The following KMT2C variants were observed in gnomAD, a reference collection of about 807,000 sequenced individuals.
The protein encoded by KMT2C is lysine methyltransferase 2C.
KMT2C carries 88 observed loss-of-function variants against 507.9 expected under a neutral mutation model. That is an observed-to-expected ratio of 0.17 (90% CI 0.15 to 0.21). The LOEUF (loss-of-function observed/expected upper bound fraction) is 0.21, where lower values mean the gene tolerates loss of function less well. KMT2C is among the 10% of genes least tolerant of loss of function. KMT2C has a pLI of 1.00. For missense variants in KMT2C, 4,954 were observed against 5,957.8 expected (o/e 0.83, Z 5.55); for synonymous variants, 2,049 against 2,080.8 (o/e 0.98, Z 0.42).
chr7:152,351,450 C>G (rs2097110189), intron 2 of KMT2C, among the ~76,000 whole-genome samples: 1 of 152,124 alleles, frequency 6.6e-6, no homozygotes, highest in Non-Finnish European at 1.5e-5. Context: ...TTTCTCCGCT[C>G]CATTATAATT....
rs561955050 is a variant in KMT2C, at chr7:152,338,767, G to A, written c.251-8028C>T. 2.0e-5 allele frequency among the ~76,000 whole-genome samples: 3 copies of A among 152,258 alleles called. No individual in the cohort carries two copies. In the East Asian group the frequency reaches 5.8e-4, roughly 29 times the overall value. On this transcript the variant is annotated intron_variant, in intron 2 of 58. Transcript: ENST00000262189. ...CTCTTTTCACTACTTCCACCGCCTGGCAGAGCATCAAAGTGTAGCATGTAA... is the reference window on the plus strand; with the variant it reads ...CTCTTTTCACTACTTCCACCGCCTGACAGAGCATCAAAGTGTAGCATGTAA...
chr7:152,277,814 C>T (rs1260870178), intron 6 of KMT2C, among the ~76,000 whole-genome samples: 1 of 151,956 alleles, frequency 6.6e-6, no homozygotes, highest in East Asian at 1.9e-4. Flanking sequence ...TTATTTAAAA[C>T]CAAAATTTTA....
chr7:152,402,318 G>T (rs1449901337), intron 1 of KMT2C, among the ~76,000 whole-genome samples: 170 of 72,814 alleles, frequency 2.3e-3, no homozygotes, highest in African/African-American at 2.4e-3. Flanking sequence ...CATAACATAT[G>T]TATATTATAT....
rs2089883454 is a variant in KMT2C at position 152,136,462 on chromosome 7, G to A, written c.*370C>T. 3.9e-6 allele frequency: 1 copy of A among 256,494 alleles called. No homozygotes were observed. Among genetic ancestry groups the A allele is most frequent in the Non-Finnish European group, 7.5e-6 (1 of 133,142 alleles). 15.9% of individuals were successfully genotyped at this position (256,494 alleles called of 1,614,324 possible). A position where few individuals can be genotyped will look rare whatever the true frequency, so the allele number is the denominator to read the frequency against. On this transcript the variant is annotated 3_prime_UTR_variant, in exon 59 of 59. Transcript: ENST00000262189. Reference sequence around the variant, plus strand: ...CCCTGCCCGGGGCAGGGCAGCCATCGGCTCTTTGCCCCAGTAAAAGTTTCT... The same window carrying A: ...CCCTGCCCGGGGCAGGGCAGCCATCAGCTCTTTGCCCCAGTAAAAGTTTCT...
chr7:152,206,352 T>G (rs574537877), intron 24 of KMT2C, among the ~76,000 whole-genome samples: 3 of 152,172 alleles, frequency 2.0e-5, no homozygotes, highest in African/African-American at 7.2e-5. Flanking sequence ...AAAGTACACT[T>G]ATAAGCCTCA....
chr7:152,353,105 T>C (rs1341715041), intron 2 of KMT2C, among the ~76,000 whole-genome samples: 1 of 152,200 alleles, frequency 6.6e-6, no homozygotes. Context: ...GCGCAGAGAC[T>C]GGTAACAGCC....
At chr7:152,259,109 T>C (rs1489325218) in intron 9 of KMT2C, among the ~76,000 whole-genome samples, 1 of 151,886 alleles carries the variant, frequency 6.6e-6, no homozygotes, top group Non-Finnish European at 1.5e-5. Context: ...GGAAATTTGT[T>C]TGAAAAAAAG....
At chr7:152,290,540 C>T (rs1422802723) in intron 6 of KMT2C, among the ~76,000 whole-genome samples, 1 of 151,274 alleles carries the variant, frequency 6.6e-6, no homozygotes, top group East Asian at 2.0e-4. Flanking sequence ...GAGCTCCTGA[C>T]CTCGTGATCC....
chr7:152,308,759 A>T (rs2096643270), intron 6 of KMT2C, among the ~76,000 whole-genome samples: 1 of 151,298 alleles, frequency 6.6e-6, no homozygotes, highest in Non-Finnish European at 1.5e-5. Context: ...GGCCAAGAAG[A>T]GAAGAGAGGA....
At chr7:152,334,683 C>T (rs2096917770) in intron 2 of KMT2C, among the ~76,000 whole-genome samples, 1 of 152,028 alleles carries the variant, frequency 6.6e-6, no homozygotes, top group African/African-American at 2.4e-5. Context: ...AGTCCCCTTT[C>T]CTACAGACTG....
chr7:152,417,319 T>A (rs1054005170), intron 1 of KMT2C, among the ~76,000 whole-genome samples: 1 of 152,106 alleles, frequency 6.6e-6, no homozygotes, highest in Non-Finnish European at 1.5e-5. Flanking sequence ...GGTTTCACCA[T>A]GTTGGTCAGG....
chr7:152,370,087 A>G (rs894487406), intron 1 of KMT2C, among the ~76,000 whole-genome samples: 1 of 152,028 alleles, frequency 6.6e-6, no homozygotes, highest in East Asian at 1.9e-4. Context: ...TCAGCTACTC[A>G]GGAGGCTGAG....
At chr7:152,192,861 T>C (rs1275952246) in intron 31 of KMT2C, among the ~76,000 whole-genome samples, 3 of 152,000 alleles carry the variant, frequency 2.0e-5, no homozygotes, top group Non-Finnish European at 4.4e-5. Context: ...AGAGAGATGT[T>C]CCTATGCTCA....
At chr7:152,339,745 T>C (rs1484861013) in intron 2 of KMT2C, among the ~76,000 whole-genome samples, 1 of 152,176 alleles carries the variant, frequency 6.6e-6, no homozygotes, top group Non-Finnish European at 1.5e-5. Flanking sequence ...AGGCACTGTA[T>C]CTGTTTTTAT....
In KMT2C at chr7:152,161,308, C is replaced by T. The variant is rs117743513; in HGVS notation, c.11460+809G>A. 5.2e-3 allele frequency among the ~76,000 whole-genome samples: 788 copies of T among 152,212 alleles called. 4 individuals carry two copies. The highest frequency in any genetic ancestry group is 8.0e-3 in the Non-Finnish European group (542 of 67,992). On this transcript the variant is annotated intron_variant, in intron 43 of 58. Coordinates refer to ENST00000262189, the MANE Select transcript of KMT2C (RefSeq NM_170606.3). ...ACAATCTTAAAATGAAAAAACTGGACAACTAAATATACCACTCAACCCTTA... is the reference window on the plus strand; with the variant it reads ...ACAATCTTAAAATGAAAAAACTGGATAACTAAATATACCACTCAACCCTTA...
intron 11 of KMT2C, 148 bp from the exon 12 acceptor site, chr7:152,251,114 T>C (rs1417569876): frequency 1.7e-6 from 1 of 593,516 alleles, no homozygotes; most frequent in Non-Finnish European, 3.0e-6. Context: ...TTGAACCACA[T>C]GTATATTTAC....
intron 18 of KMT2C, among the ~76,000 whole-genome samples, chr7:152,228,350 A>C (rs1055947927): frequency 5.9e-5 from 9 of 152,224 alleles, no homozygotes; most frequent in African/African-American, 1.9e-4. Flanking sequence ...GCTTAAAAAG[A>C]AGCTTCAAAG....
chr7:152,232,486 T>C (rs1452313537), intron 16 of KMT2C, among the ~76,000 whole-genome samples: 1 of 152,154 alleles, frequency 6.6e-6, no homozygotes, highest in African/African-American at 2.4e-5. Context: ...TCTATGGGCA[T>C]ATATAATAGG....
chr7:152,201,617 G>GGAAAAAAAAA (rs1491277955), intron 26 of KMT2C, among the ~76,000 whole-genome samples: 1 of 22,906 alleles, frequency 4.4e-5, no homozygotes, highest in African/African-American at 8.2e-5. Context: ...CAACAAAGAT[G>GGAAAAAAAAA]AAAAAAAAAA....
Sources: gnomAD v4.1 joint callset for allele counts (sites outside exome capture counted in the v4.1 genomes callset) on GRCh38, gnomAD v4.1.1 for gene constraint, MANE v1.5 for transcripts, NCBI Gene and HGNC (gene_info 2026-07-23, HGNC 2026-07-21) for gene names.